LYN: variants seen among roughly 807,000 people sequenced by gnomAD.
LYN encodes LYN proto-oncogene, Src family tyrosine kinase, also known as tyrosine-protein kinase Lyn.
A neutral mutation model predicts 65.0 loss-of-function variants in LYN; 12 were observed. The observed-to-expected ratio is 0.18, with a 90% confidence interval of 0.12 to 0.30. The LOEUF is 0.30. Ranked by LOEUF, LYN falls within the 10% of genes least tolerant of loss-of-function variation. The pLI, the probability that LYN is intolerant of heterozygous loss-of-function variation, is 1.00. For missense variants in LYN, 380 were observed against 623.2 expected, an observed-to-expected ratio of 0.61 and a Z score of 4.16; for synonymous variants, 222 against 221.2, an observed-to-expected ratio of 1.00 and a Z score of -0.03.
chr8:55,894,233 T>C, intron 1 of LYN: 1 of 152,928 alleles, frequency 6.5e-6, no homozygotes, highest in South Asian at 1.9e-4. Flanking sequence ...CAGGGTCTTG[T>C]TCTGTTGCTG....
chr8:55,951,579 C>A (rs151086117), intron 6 of LYN, among the ~76,000 whole-genome samples: 15 of 151,266 alleles, frequency 9.9e-5, no homozygotes, highest in Non-Finnish European at 7.4e-5. Context: ...GTAGAAAGAT[C>A]GTTTGAGCCC....
At chr8:55,991,418 GT>G (rs1203893276) in intron 10 of LYN, among the ~76,000 whole-genome samples, 1 of 152,168 alleles carries the variant, frequency 6.6e-6, no homozygotes, top group Non-Finnish European at 1.5e-5. Context: ...CAGACACTTG[GT>G]GACTAACTCC....
chr8:55,954,057 C>T (rs935688568), intron 8 of LYN, 73 bp downstream of exon 8: 44 of 1,500,898 alleles, frequency 2.9e-5, no homozygotes, highest in Middle Eastern at 2.4e-4. Context: ...AAGCCAATTT[C>T]GATCAGCTTC....
rs1430428484 is a variant in LYN, at chr8:56,010,008, C to T, written c.1437C>T (p.Cys479=). The change falls in exon 13 of 13, where the codon TGC becomes TGT. Residue 479 remains cysteine (C), a synonymous_variant. Coordinates refer to ENST00000519728, the MANE Select transcript of LYN (RefSeq NM_002350.4). ...PDELYDIMKM[C]WKEKAEERPT... The stretch of plus-strand genomic sequence containing the variant: ...AGCTCTATGACATTATGAAAATGTG[C>T]TGGAAAGAAAAGGCAGAAGAGAGAC... 6.2e-7 allele frequency: 1 copy of T among 1,614,116 alleles called. No homozygotes were observed. Among genetic ancestry groups the T allele is most frequent in the South Asian group, 1.1e-5 (1 of 91,086 alleles).
chr8:55,902,620 C>A, intron 1 of LYN: 1 of 325,332 alleles, frequency 3.1e-6, no homozygotes, highest in Non-Finnish European at 6.0e-6. Context: ...AAAACAACAA[C>A]AACAGTAGTC....
chr8:56,010,546 T>C lies in LYN; in HGVS notation c.*436T>C, dbSNP rs1052927701. ...AACCGGATATATACATAGCATGACA[T>C]TTCTTTGTGCTTTGGCTTACTTGTT... On this transcript the variant is annotated 3_prime_UTR_variant, in exon 13 of 13. Transcript: ENST00000519728. The C allele has an allele frequency of 2.6e-5, 6 of 232,342 alleles. No individual in the cohort carries two copies. Among genetic ancestry groups the C allele is most frequent in the African/African-American group, 1.3e-4 (6 of 45,090 alleles). 14.4% of individuals were successfully genotyped at this position (232,342 alleles called of 1,614,324 possible).
At chr8:55,984,822 T>C (rs1270312789) in intron 10 of LYN, among the ~76,000 whole-genome samples, 1 of 152,262 alleles carries the variant, frequency 6.6e-6, no homozygotes, top group Non-Finnish European at 1.5e-5. Flanking sequence ...GCCTGCAGTG[T>C]GTGTCAGTCA....
intron 1 of LYN, chr8:55,902,669 G>A: frequency 1.2e-5 from 5 of 402,262 alleles, no homozygotes; most frequent in South Asian, 9.2e-5. Context: ...TTACTTAAAT[G>A]TTATTTTGAA....
chr8:55,909,024 CACACACACACACACACACACACACACA>C lies in LYN; in HGVS notation c.-6+28922_-6+28948del, dbSNP rs1563504846. On this transcript the variant is annotated intron_variant, in intron 1 of 12. Transcript: ENST00000519728. ...ATATATATATATACACACACACACA[CACACACACACACACACACACACACACA>C]CCCCACATTTTCTTTACTTTTATTT... 4.0e-3 allele frequency among the ~76,000 whole-genome samples: 296 copies of C among 73,522 alleles called. 45 individuals carry two copies. In the Middle Eastern group the frequency reaches 0.08, roughly 20 times the overall value. The allele number at this position is 73,522 out of a possible 152,430, so 48.2% of individuals were successfully genotyped here. A position where few individuals can be genotyped will look rare whatever the true frequency, so the allele number is the denominator to read the frequency against.
At chr8:55,953,061 G>T (rs140382586) in intron 7 of LYN, among the ~76,000 whole-genome samples, 3 of 152,156 alleles carry the variant, frequency 2.0e-5, no homozygotes, top group Admixed American at 2.0e-4. Flanking sequence ...ACGTGCTTCC[G>T]ATTTTGTAGA....
chr8:55,977,231 G>T (rs150455605), intron 10 of LYN, among the ~76,000 whole-genome samples: 2 of 152,118 alleles, frequency 1.3e-5, no homozygotes, highest in Non-Finnish European at 2.9e-5. Flanking sequence ...TTCATTCTCA[G>T]TTGTGGAAGA....
chr8:55,945,732 C>T (rs1180785810), intron 2 of LYN, among the ~76,000 whole-genome samples: 2 of 152,128 alleles, frequency 1.3e-5, no homozygotes, highest in Non-Finnish European at 2.9e-5. Context: ...AATAACTCAC[C>T]CCCCCACTGA....
chr8:55,947,034 G>A (rs539316708), intron 3 of LYN, among the ~76,000 whole-genome samples: 26 of 152,318 alleles, frequency 1.7e-4, no homozygotes, highest in African/African-American at 5.8e-4. Context: ...GATCACCTGT[G>A]GTCAGGAGTT....
intron 9 of LYN, among the ~76,000 whole-genome samples, chr8:55,968,638 T>C (rs923114734): frequency 6.6e-6 from 1 of 152,218 alleles, no homozygotes; most frequent in African/African-American, 2.4e-5. Context: ...ACTTAGTCTT[T>C]TCAGCAGCCT....
At chr8:55,978,656 C>T (rs541767033) in intron 10 of LYN, among the ~76,000 whole-genome samples, 26 of 152,294 alleles carry the variant, frequency 1.7e-4, no homozygotes, top group Middle Eastern at 3.4e-3. Flanking sequence ...AGGGACAAGT[C>T]AGAGAGCAGG....
At chr8:55,890,171 G>A (rs1184025597) in intron 1 of LYN, among the ~76,000 whole-genome samples, 1 of 147,890 alleles carries the variant, frequency 6.8e-6, no homozygotes, top group African/African-American at 2.5e-5. Context: ...ATTACTCAGA[G>A]TGCAGTGATG....
At chr8:55,933,963 C>T (rs1189711266) in intron 1 of LYN, among the ~76,000 whole-genome samples, 1 of 152,178 alleles carries the variant, frequency 6.6e-6, no homozygotes, top group Non-Finnish European at 1.5e-5. Context: ...CGCAGTGGCT[C>T]ACACCTGTAA....
At chr8:55,944,697 T>G (rs1806726618) in intron 2 of LYN, among the ~76,000 whole-genome samples, 1 of 152,206 alleles carries the variant, frequency 6.6e-6, no homozygotes, top group South Asian at 2.1e-4. Flanking sequence ...GCCAGGCTTG[T>G]CTTGAACTCC....
intron 1 of LYN, among the ~76,000 whole-genome samples, chr8:55,919,280 G>A (rs1805877681): frequency 6.6e-6 from 1 of 151,930 alleles, no homozygotes; most frequent in Admixed American, 6.6e-5. Context: ...GAGTGGAGAG[G>A]GAAATGAAGT....
Sources: allele counts gnomAD v4.1 joint callset (sites outside exome capture counted in the v4.1 genomes callset), GRCh38; gene constraint gnomAD v4.1.1; transcripts MANE v1.5; gene names NCBI Gene and HGNC (gene_info 2026-07-23, HGNC 2026-07-21).